The following MAD1L1 variants were observed in gnomAD, a reference collection of about 807,000 sequenced individuals.
MAD1L1 encodes the protein mitotic arrest deficient 1 like 1.
Under a neutral mutation model 96.9 loss-of-function variants are expected in MAD1L1, and 95 were observed. The ratio of observed to expected loss-of-function variants is 0.98; its 90% CI spans 0.83 to 1.16. The LOEUF (loss-of-function observed/expected upper bound fraction) is 1.16. Ranked by LOEUF, MAD1L1 falls within the 50% of genes most tolerant of loss-of-function variation. The pLI, the probability that MAD1L1 is intolerant of heterozygous loss-of-function variation, is 0.00. For synonymous variants in MAD1L1, 473 were observed against 396.6 expected, an observed-to-expected ratio of 1.19 and a Z score of -2.29; for missense variants, 1,007 against 954.4, an observed-to-expected ratio of 1.06 and a Z score of -0.73.
At chr7:2,033,301 G>A (rs778205774) in intron 12 of MAD1L1, among the ~76,000 whole-genome samples, 1 of 152,240 alleles carries the variant, frequency 6.6e-6, no homozygotes, top group African/African-American at 2.4e-5. Context: ...CAGATGACCC[G>A]GTCACCCCTG....
intron 14 of MAD1L1, among the ~76,000 whole-genome samples, chr7:1,990,138 C>G (rs1020740128): frequency 1.3e-5 from 2 of 152,246 alleles, no homozygotes; most frequent in Non-Finnish European, 2.9e-5. Flanking sequence ...CGCCAACTCA[C>G]GTGGCATCGC....
chr7:1,938,327 A>G (rs1778719468), intron 16 of MAD1L1, among the ~76,000 whole-genome samples: 2 of 152,200 alleles, frequency 1.3e-5, no homozygotes, highest in South Asian at 4.1e-4. Flanking sequence ...CTCACATCAC[A>G]CACAAACATC....
At chr7:1,821,093 A>AGGGGGG (rs757288347) in intron 18 of MAD1L1, among the ~76,000 whole-genome samples, 1 of 27,842 alleles carries the variant, frequency 3.6e-5, no homozygotes, top group African/African-American at 8.8e-5. Flanking sequence ...AAAAAAAAAA[A>AGGGGGG]GGGGGGGGGG....
intron 11 of MAD1L1, among the ~76,000 whole-genome samples, chr7:2,106,292 A>G (rs1403231392): frequency 6.6e-6 from 1 of 151,842 alleles, no homozygotes; most frequent in Non-Finnish European, 1.5e-5. Context: ...CCACATGTCC[A>G]TCCCTGGAGA....
chr7:1,908,322 A>G (rs6952727), intron 17 of MAD1L1, among the ~76,000 whole-genome samples: 66,577 of 152,032 alleles, frequency 0.44, 14,800 homozygotes, highest in Admixed American at 0.55. Flanking sequence ...TCACCATCAG[A>G]GCTGATGGGT....
intron 18 of MAD1L1, among the ~76,000 whole-genome samples, chr7:1,889,253 G>A (rs1318903982): frequency 2.6e-5 from 4 of 152,346 alleles, no homozygotes; most frequent in Non-Finnish European, 4.4e-5. Context: ...CCCACCACCC[G>A]ACGGGGGCTG....
At chr7:1,826,858 T>C (rs1403904880) in intron 18 of MAD1L1, among the ~76,000 whole-genome samples, 2 of 152,368 alleles carry the variant, frequency 1.3e-5, no homozygotes, top group East Asian at 3.9e-4. Context: ...CCAGCGTTAT[T>C]GGGGTTTATC....
chr7:1,825,933 C>G (rs1317044700), intron 18 of MAD1L1, among the ~76,000 whole-genome samples: 1 of 151,744 alleles, frequency 6.6e-6, no homozygotes, highest in Non-Finnish European at 1.5e-5. Context: ...CAGCCCCAGG[C>G]GGGGTTGGAG....
intron 9 of MAD1L1, among the ~76,000 whole-genome samples, chr7:2,214,582 G>A (rs1332055202): frequency 6.6e-6 from 1 of 152,194 alleles, no homozygotes; most frequent in African/African-American, 2.4e-5. Flanking sequence ...ACCGGAGAAA[G>A]GCGGCATAGG....
intron 12 of MAD1L1, among the ~76,000 whole-genome samples, chr7:2,015,686 C>T (rs1782507098): frequency 6.6e-6 from 1 of 152,242 alleles, no homozygotes; most frequent in South Asian, 2.1e-4. Context: ...CAGGCGCAGG[C>T]TGGCGACCTT....
At chr7:2,226,162 C>T (rs538079115) in intron 3 of MAD1L1, among the ~76,000 whole-genome samples, 2 of 152,204 alleles carry the variant, frequency 1.3e-5, no homozygotes, top group Non-Finnish European at 2.9e-5. Flanking sequence ...ATCAAGCCCA[C>T]CAGGGAGTGG....
intron 18 of MAD1L1, among the ~76,000 whole-genome samples, chr7:1,884,685 G>T (rs1404082924): frequency 6.6e-6 from 1 of 152,214 alleles, no homozygotes; most frequent in Non-Finnish European, 1.5e-5. Flanking sequence ...TGTCTGAGTG[G>T]GCGGAGGAGA....
intron 11 of MAD1L1, among the ~76,000 whole-genome samples, chr7:2,116,568 G>GA (rs369258436): frequency 1.5e-5 from 1 of 65,752 alleles, no homozygotes; most frequent in Non-Finnish European, 2.9e-5. Context: ...CCAGAGGGTT[G>GA]GGGGGGGGGG....
At chr7:2,186,659 A>C (rs1025055713) in intron 10 of MAD1L1, among the ~76,000 whole-genome samples, 2 of 152,250 alleles carry the variant, frequency 1.3e-5, no homozygotes, top group Non-Finnish European at 2.9e-5. Flanking sequence ...ACAGAGCTGT[A>C]GGATCACATG....
At chr7:2,220,927 C>T (rs771533624) in intron 5 of MAD1L1, 2 of 1,612,252 alleles carry the variant, frequency 1.2e-6, no homozygotes, top group Non-Finnish European at 8.5e-7. Context: ...AGCCCACCTG[C>T]CCACAGGGTC....
At chr7:1,917,883 C>G (rs1788512333) in intron 17 of MAD1L1, among the ~76,000 whole-genome samples, 1 of 152,218 alleles carries the variant, frequency 6.6e-6, no homozygotes, top group Non-Finnish European at 1.5e-5. Context: ...GACAAAGCCC[C>G]CAGAGCAGCA....
At chr7:1,860,339 ATGTGACATCCTG>A (rs1784479687) in intron 18 of MAD1L1, among the ~76,000 whole-genome samples, 1 of 130,414 alleles carries the variant, frequency 7.7e-6, no homozygotes, top group African/African-American at 3.0e-5. Flanking sequence ...GTCTCCCTAG[ATGTGACATCCTG>A]CGGGGCGGCC....
intron 18 of MAD1L1, among the ~76,000 whole-genome samples, chr7:1,887,256 T>A (rs1786098861): frequency 6.6e-6 from 1 of 151,962 alleles, no homozygotes; most frequent in African/African-American, 2.4e-5. Flanking sequence ...GCTGTGCATG[T>A]GTGGGCATGT....
intron 18 of MAD1L1, among the ~76,000 whole-genome samples, chr7:1,819,714 G>A (rs1464835976): frequency 2.0e-5 from 3 of 152,154 alleles, no homozygotes; most frequent in African/African-American, 7.2e-5. Context: ...GTGAGGGAGG[G>A]GTGGGGGCTG....
Sources: allele counts gnomAD v4.1 joint callset (sites outside exome capture counted in the v4.1 genomes callset), GRCh38; gene constraint gnomAD v4.1.1; transcripts MANE v1.5; gene names NCBI Gene and HGNC (gene_info 2026-07-23, HGNC 2026-07-21).